The following PAK1 variants were observed in gnomAD, a reference collection of about 807,000 sequenced individuals.
The protein encoded by PAK1 is serine/threonine-protein kinase PAK 1.
A neutral mutation model predicts 67.4 loss-of-function variants in PAK1; 29 were observed. That is an observed-to-expected ratio of 0.43 (90% confidence interval 0.32 to 0.59). The LOEUF (loss-of-function observed/expected upper bound fraction) is 0.59, where lower values mean the gene tolerates loss of function less well. Ranked by LOEUF, PAK1 falls within the 20% of genes least tolerant of loss-of-function variation. The pLI, the probability that PAK1 is intolerant of heterozygous loss-of-function variation, is 0.07. For synonymous variants in PAK1, 223 were observed against 237.4 expected (o/e 0.94, Z 0.56); for missense variants, 337 against 670.7 (o/e 0.50, Z 5.50).
At chr11:77,500,753 AG>A in the PAK1 span, among the ~76,000 whole-genome samples, 1 of 152,196 alleles carries the variant, frequency 6.6e-6, no homozygotes, top group Non-Finnish European at 1.5e-5. Context: ...CTGAGGCAGG[AG>A]GATTGCTTGA....
intron 14 of PAK1, among the ~76,000 whole-genome samples, chr11:77,324,241 C>T (rs774233904): frequency 2.8e-5 from 4 of 143,044 alleles, no homozygotes; most frequent in African/African-American, 5.5e-5. Context: ...GGTGCGGTCT[C>T]GGCTCACTGC....
At chr11:77,391,595 C>G (rs940927714) in intron 2 of PAK1, among the ~76,000 whole-genome samples, 13 of 152,166 alleles carry the variant, frequency 8.5e-5, no homozygotes, top group Admixed American at 7.9e-4. Flanking sequence ...CCACTTAAAT[C>G]AACATTTTTG....
chr11:77,461,291 C>G (rs2135487719), intron 1 of PAK1, among the ~76,000 whole-genome samples: 1 of 152,144 alleles, frequency 6.6e-6, no homozygotes, highest in South Asian at 2.1e-4. Context: ...GGCTATAGTC[C>G]CCAGTTATTC....
In PAK1 at chr11:77,380,085, G is replaced by C. The variant is rs1949617627; in HGVS notation, c.191-91C>G. The stretch of plus-strand genomic sequence containing the variant: ...CTCTTTATTGAGCTGTAGTCTCCTT[G>C]AGAGGGCAAAGTCTATCTATTAATA... On this transcript the variant is annotated intron_variant, in intron 2 of 14. Transcript: ENST00000356341. 3.0e-5 allele frequency: 26 copies of C among 857,990 alleles called. 1 individual carries two copies. In the South Asian group the frequency reaches 4.0e-4, roughly 13 times the overall value. 53.1% of individuals were successfully genotyped at this position (857,990 alleles called of 1,614,324 possible).
At chr11:77,462,708 T>A (rs1186711304) in intron 1 of PAK1, among the ~76,000 whole-genome samples, 4 of 151,908 alleles carry the variant, frequency 2.6e-5, no homozygotes, top group Non-Finnish European at 5.9e-5. Flanking sequence ...GCCTTGCACC[T>A]ATAATCCCAG....
At chr11:77,522,611 CTG>C in the PAK1 span, among the ~76,000 whole-genome samples, 1 of 152,226 alleles carries the variant, frequency 6.6e-6, no homozygotes, top group Non-Finnish European at 1.5e-5. Context: ...TGCTTATACA[CTG>C]TGTTAGTGGG....
At chr11:77,328,526 C>T (rs925444759) in intron 14 of PAK1, among the ~76,000 whole-genome samples, 129 of 152,044 alleles carry the variant, frequency 8.5e-4, no homozygotes, top group African/African-American at 1.6e-3. Context: ...AACCTGCTCC[C>T]GAATGACTAC....
At chr11:77,526,631 CT>C in the PAK1 span, among the ~76,000 whole-genome samples, 1 of 152,130 alleles carries the variant, frequency 6.6e-6, no homozygotes, top group Non-Finnish European at 1.5e-5. Context: ...AAGAAAAAGG[CT>C]GGAGGCCAGG....
the PAK1 span, among the ~76,000 whole-genome samples, chr11:77,490,097 G>A: frequency 1.2e-3 from 182 of 151,018 alleles, 2 homozygotes; most frequent in Middle Eastern, 6.9e-3. Flanking sequence ...GCCTCTGCCC[G>A]GCCGCGACCC....
chr11:77,442,521 C>A (rs182801324), intron 1 of PAK1, among the ~76,000 whole-genome samples: 1 of 152,064 alleles, frequency 6.6e-6, no homozygotes, highest in Non-Finnish European at 1.5e-5. Context: ...CAACAATGAA[C>A]GGCATGAGTG....
chr11:77,476,722 C>A (rs1958064573), upstream of PAK1: 1 of 152,236 alleles, frequency 6.6e-6, no homozygotes, highest in African/African-American at 2.4e-5. Flanking sequence ...CAGTGGCTCA[C>A]ATCTGTAATC....
chr11:77,498,945 C>A, the PAK1 span, among the ~76,000 whole-genome samples: 2 of 151,814 alleles, frequency 1.3e-5, no homozygotes, highest in African/African-American at 4.8e-5. Flanking sequence ...GTGATCCACC[C>A]GCCTTGGCCT....
At chr11:77,523,237 T>C in the PAK1 span, among the ~76,000 whole-genome samples, 1 of 152,016 alleles carries the variant, frequency 6.6e-6, no homozygotes, top group Non-Finnish European at 1.5e-5. Flanking sequence ...GTTGAAAAAT[T>C]TTTTAAAAGG....
At chr11:77,475,600 C>T (rs1426043548), upstream of PAK1, 1 of 152,234 alleles carries the variant, frequency 6.6e-6, no homozygotes, top group Non-Finnish European at 1.5e-5. Context: ...TTCATGTCTT[C>T]AAGCTCTTCC....
At chr11:77,389,220 C>A (rs1350995136) in intron 2 of PAK1, among the ~76,000 whole-genome samples, 1 of 152,196 alleles carries the variant, frequency 6.6e-6, no homozygotes, top group African/African-American at 2.4e-5. Context: ...TCACTTAACA[C>A]AGCATTTTCA....
At chr11:77,403,492 T>C (rs1354260671) in intron 1 of PAK1, among the ~76,000 whole-genome samples, 1 of 152,230 alleles carries the variant, frequency 6.6e-6, no homozygotes. Context: ...GAGACAACCT[T>C]GCTCAAGAAT....
At chr11:77,431,175 T>G (rs891818715) in intron 1 of PAK1, among the ~76,000 whole-genome samples, 6 of 152,138 alleles carry the variant, frequency 3.9e-5, no homozygotes, top group African/African-American at 1.4e-4. Flanking sequence ...TTTTGCTACA[T>G]TATTTGCAAA....
intron 2 of PAK1, among the ~76,000 whole-genome samples, chr11:77,387,069 C>A (rs1208193489): frequency 2.7e-5 from 4 of 147,590 alleles, no homozygotes; most frequent in Non-Finnish European, 5.9e-5. Flanking sequence ...CCACCACGCC[C>A]AGCCTTTTTT....
At chr11:77,371,676 T>A (rs866943135) in intron 5 of PAK1, among the ~76,000 whole-genome samples, 5 of 152,320 alleles carry the variant, frequency 3.3e-5, no homozygotes, top group Middle Eastern at 3.4e-3. Context: ...CATGCTACCA[T>A]AATACAAAAC....
Sources: allele counts gnomAD v4.1 joint callset (sites outside exome capture counted in the v4.1 genomes callset), GRCh38; gene constraint gnomAD v4.1.1; transcripts MANE v1.5; gene names NCBI Gene and HGNC (gene_info 2026-07-23, HGNC 2026-07-21).